The following TSPEAR variants were observed in gnomAD, a reference collection of about 807,000 sequenced individuals.
TSPEAR encodes thrombospondin type laminin G domain and EAR repeats.
TSPEAR carries 69 observed loss-of-function variants against 71.6 expected under a neutral mutation model. The observed-to-expected ratio is 0.96, with a 90% confidence interval of 0.79 to 1.18. The LOEUF (loss-of-function observed/expected upper bound fraction) is 1.18. TSPEAR is among the 50% of genes most tolerant of loss of function. The pLI is 0.00. For missense variants in TSPEAR, 971 were observed against 894.9 expected (o/e 1.09, Z -1.09); for synonymous variants, 402 against 387.2 (o/e 1.04, Z -0.45).
intron 1 of TSPEAR, among the ~76,000 whole-genome samples, chr21:44,657,695 G>A (rs1342071911): frequency 6.6e-6 from 1 of 152,176 alleles, no homozygotes; most frequent in Non-Finnish European, 1.5e-5. Context: ...CACGGTAGTA[G>A]CCTGAAAAAA....
intron 4 of TSPEAR, among the ~76,000 whole-genome samples, chr21:44,530,246 G>A (rs2043240785): frequency 1.4e-5 from 2 of 142,838 alleles, no homozygotes; most frequent in African/African-American, 3.0e-5. Context: ...CACCCATCCT[G>A]TTCATCCATG....
intron 1 of TSPEAR, among the ~76,000 whole-genome samples, chr21:44,650,624 C>T (rs1267752300): frequency 6.6e-6 from 1 of 152,274 alleles, no homozygotes; most frequent in African/African-American, 2.4e-5. Flanking sequence ...ACGCCTTCAC[C>T]TCGGACTGCA....
chr21:44,630,129 A>T (rs1983173261), intron 1 of TSPEAR, among the ~76,000 whole-genome samples: 3 of 152,222 alleles, frequency 2.0e-5, no homozygotes, highest in African/African-American at 7.2e-5. Context: ...GGGGCTTTCC[A>T]GTCACATTCT....
chr21:44,702,843 A>C, intron 1 of TSPEAR: 1 of 944,602 alleles, frequency 1.1e-6, no homozygotes, highest in Non-Finnish European at 1.6e-6. Context: ...GGTTCCCCCC[A>C]ACCTCTCCCA....
At chr21:44,697,821 G>A (rs782587806) in intron 1 of TSPEAR, 61 of 1,613,094 alleles carry the variant, frequency 3.8e-5, no homozygotes, top group South Asian at 3.2e-4. Context: ...AGACCCGCCC[G>A]CCGCGTGCCC....
chr21:44,639,040 A>G (rs1305512401), intron 1 of TSPEAR, among the ~76,000 whole-genome samples: 3 of 152,134 alleles, frequency 2.0e-5, no homozygotes, highest in Non-Finnish European at 2.9e-5. Flanking sequence ...CCCATTGCTC[A>G]GGCATCGCTG....
chr21:44,692,758 A>G (rs1555949919), intron 1 of TSPEAR, among the ~76,000 whole-genome samples: 2 of 152,176 alleles, frequency 1.3e-5, no homozygotes, highest in Admixed American at 6.5e-5. Context: ...TAGAAGACTT[A>G]ATGTTGTTAA....
chr21:44,658,131 AG>A, intron 1 of TSPEAR: 4 of 1,613,830 alleles, frequency 2.5e-6, no homozygotes, highest in Non-Finnish European at 3.4e-6. Flanking sequence ...CCCTCCTGCC[AG>A]CCCTCCGTGT....
At chr21:44,538,743 G>A (rs1555916692) in intron 2 of TSPEAR, among the ~76,000 whole-genome samples, 2 of 152,146 alleles carry the variant, frequency 1.3e-5, no homozygotes, top group East Asian at 3.9e-4. Context: ...GAGCCCCACA[G>A]CCCAGGGCAT....
At chr21:44,517,753 G>A (rs780774205) in intron 9 of TSPEAR, 84 of 471,032 alleles carry the variant, frequency 1.8e-4, no homozygotes, top group Non-Finnish European at 3.0e-4. Flanking sequence ...CTCGCCTTCA[G>A]AACACTGAGC....
chr21:44,702,073 C>T, intron 1 of TSPEAR: 1 of 734,762 alleles, frequency 1.4e-6, no homozygotes, highest in South Asian at 1.9e-5. Flanking sequence ...AGTGCCGTCA[C>T]ACACGTTCCT....
chr21:44,681,959 G>T, intron 1 of TSPEAR: 1 of 1,613,898 alleles, frequency 6.2e-7, no homozygotes, highest in Middle Eastern at 1.7e-4. Context: ...TCACGGGCAC[G>T]CACACAGAGG....
chr21:44,540,889 T>G (rs1399655183), intron 2 of TSPEAR, among the ~76,000 whole-genome samples: 5 of 152,170 alleles, frequency 3.3e-5, no homozygotes, highest in African/African-American at 1.2e-4. Context: ...AACTGGCCCA[T>G]GGATTTGGTT....
intron 9 of TSPEAR, chr21:44,517,311 G>A (rs908715140): frequency 6.2e-6 from 1 of 160,118 alleles, no homozygotes; most frequent in Non-Finnish European, 1.4e-5. Flanking sequence ...GCACCCCCCA[G>A]GAACACCGCC....
intron 1 of TSPEAR, among the ~76,000 whole-genome samples, chr21:44,621,781 C>G (rs1237423892): frequency 2.0e-5 from 3 of 152,198 alleles, no homozygotes; most frequent in African/African-American, 7.2e-5. Context: ...ATGTTAGATT[C>G]AAGTTATTTA....
chr21:44,627,146 C>A (rs1555934524), intron 1 of TSPEAR: 2 of 1,603,412 alleles, frequency 1.2e-6, no homozygotes, highest in Non-Finnish European at 1.7e-6. Flanking sequence ...TACACCTCCC[C>A]CAGCTCACCT....
intron 1 of TSPEAR, chr21:44,627,464 C>T: frequency 5.1e-6 from 8 of 1,572,740 alleles, no homozygotes; most frequent in Non-Finnish European, 6.9e-6. Flanking sequence ...TGCCAGCAGG[C>T]CTGCTGCGTG....
chr21:44,574,718 C>T (rs782086993), intron 1 of TSPEAR: 10 of 1,608,066 alleles, frequency 6.2e-6, no homozygotes, highest in East Asian at 4.5e-5. Context: ...GCTGCGTGCC[C>T]GTCTGCTGCA....
chr21:44,640,390 G>A (rs1338006552), intron 1 of TSPEAR, among the ~76,000 whole-genome samples: 1 of 152,242 alleles, frequency 6.6e-6, no homozygotes, highest in Non-Finnish European at 1.5e-5. Context: ...GGCTGGTGGA[G>A]GGGCTCATGA....
Sources: gnomAD v4.1 joint callset for allele counts (sites outside exome capture counted in the v4.1 genomes callset) on GRCh38, gnomAD v4.1.1 for gene constraint, MANE v1.5 for transcripts, NCBI Gene and HGNC (gene_info 2026-07-23, HGNC 2026-07-21) for gene names.